Variants in PACRG observed in about 807,000 individuals in gnomAD.
PACRG encodes parkin coregulated.
Under a neutral mutation model 29.7 loss-of-function variants are expected in PACRG, and 29 were observed. The ratio of observed to expected loss-of-function variants is 0.98; its 90% CI spans 0.73 to 1.33. The LOEUF is 1.33. Ranked by LOEUF, PACRG falls within the 40% of genes most tolerant of loss-of-function variation. PACRG has a pLI of 0.00. For synonymous variants in PACRG, 116 were observed against 118.7 expected, an observed-to-expected ratio of 0.98 and a Z score of 0.15; for missense variants, 279 against 316.2, an observed-to-expected ratio of 0.88 and a Z score of 0.89.
At chr6:162,889,907 A>G (rs1342500230) in intron 2 of PACRG, among the ~76,000 whole-genome samples, 2 of 152,262 alleles carry the variant, frequency 1.3e-5, no homozygotes, top group African/African-American at 4.8e-5. Context: ...ATCTCCTGTA[A>G]GTTACTGCAT....
chr6:162,887,848 G>T (rs1456495879), intron 2 of PACRG, among the ~76,000 whole-genome samples: 9 of 152,148 alleles, frequency 5.9e-5, no homozygotes, highest in East Asian at 3.9e-4. Context: ...GTCTCTGAGG[G>T]TGGGTGAGGC....
intron 2 of PACRG, among the ~76,000 whole-genome samples, chr6:162,833,892 A>G (rs1489797574): frequency 6.6e-6 from 1 of 152,160 alleles, no homozygotes; most frequent in Non-Finnish European, 1.5e-5. Flanking sequence ...CATCATAACC[A>G]TTTGTAACTG....
intron 1 of PACRG, among the ~76,000 whole-genome samples, chr6:162,756,159 C>A (rs2128285057): frequency 6.6e-6 from 1 of 152,200 alleles, no homozygotes; most frequent in South Asian, 2.1e-4. Context: ...CTGTTAGATC[C>A]ATTTGTTTTA....
intron 4 of PACRG, among the ~76,000 whole-genome samples, chr6:163,188,434 T>C (rs1585314570): frequency 6.6e-6 from 1 of 152,228 alleles, no homozygotes; most frequent in East Asian, 1.9e-4. Context: ...TAACGTCATC[T>C]CTTAGAGGTG....
intron 4 of PACRG, among the ~76,000 whole-genome samples, chr6:163,223,116 G>C (rs769466422): frequency 1.3e-4 from 20 of 152,286 alleles, no homozygotes; most frequent in African/African-American, 4.8e-4. Flanking sequence ...AACATTGACC[G>C]GGCGCGATGG....
At chr6:163,126,213 T>G (rs1393458395) in intron 4 of PACRG, among the ~76,000 whole-genome samples, 2 of 152,226 alleles carry the variant, frequency 1.3e-5, no homozygotes, top group Non-Finnish European at 2.9e-5. Context: ...GACGCTTTCA[T>G]TTATAAGATA....
At chr6:162,787,488 G>GTA (rs1345567619) in intron 1 of PACRG, among the ~76,000 whole-genome samples, 2 of 142,860 alleles carry the variant, frequency 1.4e-5, no homozygotes, top group African/African-American at 5.2e-5. Context: ...TATGTATATG[G>GTA]TATATATATG....
intron 2 of PACRG, among the ~76,000 whole-genome samples, chr6:162,953,240 A>G (rs544067843): frequency 4.9e-4 from 74 of 152,294 alleles, no homozygotes; most frequent in Non-Finnish European, 5.9e-5. Flanking sequence ...GAGGAGTTCA[A>G]ACAGAAATAT....
Position 163,055,962 on chromosome 6 carries a change from C to T in PACRG, c.292-6188C>T, listed in dbSNP as rs62427574. On this transcript the variant is annotated intron_variant, in intron 2 of 4. Coordinates refer to ENST00000366888, the MANE Select transcript of PACRG (RefSeq NM_001080379.2). This position sits in a 1 kb window ranked among gnomAD's most constrained non-coding sequence, Gnocchi z 4.0. ...GTGGTCTTTTGTGACTGTCCTCCTT[C>T]GCTTAGGAAAATGTTTTCAAGGTTC... Among the ~76,000 whole-genome samples the T allele has an allele frequency of 0.011, 1,656 of 152,292 alleles. 39 individuals are homozygous for T. The highest frequency in any genetic ancestry group is 0.061 in the Admixed American group (929 of 15,296).
chr6:163,045,024 T>C (rs1225953814), intron 2 of PACRG, among the ~76,000 whole-genome samples: 1 of 152,180 alleles, frequency 6.6e-6, no homozygotes, highest in Admixed American at 6.5e-5. Flanking sequence ...GTAATTTTGG[T>C]GCCTGGAGTA....
intron 2 of PACRG, among the ~76,000 whole-genome samples, chr6:162,987,064 G>T (rs1802964298): frequency 6.6e-6 from 1 of 152,022 alleles, no homozygotes; most frequent in African/African-American, 2.4e-5. Flanking sequence ...TGAAGAGTTA[G>T]TCTGGCCTTT....
intron 4 of PACRG, among the ~76,000 whole-genome samples, chr6:163,158,092 A>G (rs7749602): frequency 0.074 from 11,325 of 152,220 alleles, 1,335 homozygotes; most frequent in African/African-American, 0.25. Flanking sequence ...AGGTGGTAGC[A>G]CTGAGAGAAT....
At chr6:163,119,849 T>C (rs1453007693) in intron 4 of PACRG, among the ~76,000 whole-genome samples, 1 of 152,198 alleles carries the variant, frequency 6.6e-6, no homozygotes, top group African/African-American at 2.4e-5. Context: ...GTTGTTGTTG[T>C]TGGTTTGTTT....
Position 163,011,192 on chromosome 6 carries a change from G to A in PACRG, c.292-50958G>A, listed in dbSNP as rs188468897. Among the ~76,000 whole-genome samples the A allele has an allele frequency of 1.3e-4, 20 of 152,256 alleles. No individual in the cohort carries two copies. In the East Asian group the frequency reaches 3.3e-3, roughly 25 times the overall value. ...GACCTTCCTCCTGCTGCAGTCATGCGACACTTAATGACTGGGATACCCTCT... is the reference window on the plus strand; with the variant it reads ...GACCTTCCTCCTGCTGCAGTCATGCAACACTTAATGACTGGGATACCCTCT... On this transcript the variant is annotated intron_variant, in intron 2 of 4. Coordinates refer to ENST00000366888, the MANE Select transcript of PACRG (RefSeq NM_001080379.2).
chr6:162,943,476 G>A (rs1018116682), intron 2 of PACRG, among the ~76,000 whole-genome samples: 6 of 152,102 alleles, frequency 3.9e-5, no homozygotes, highest in Non-Finnish European at 8.8e-5. Flanking sequence ...AGCTGCCTGC[G>A]TATGGCTGCT....
intron 2 of PACRG, among the ~76,000 whole-genome samples, chr6:162,916,860 G>A (rs184319004): frequency 1.3e-5 from 2 of 152,164 alleles, no homozygotes; most frequent in South Asian, 2.1e-4. Context: ...CCAGTGTCCT[G>A]TGCACAGATC....
intron 4 of PACRG, among the ~76,000 whole-genome samples, chr6:163,143,648 A>ACTT (rs200515255): frequency 8.1e-4 from 123 of 152,300 alleles, no homozygotes; most frequent in African/African-American, 2.8e-3. Flanking sequence ...TCACAATAAT[A>ACTT]CTTTTTTTGA....
intron 3 of PACRG, among the ~76,000 whole-genome samples, chr6:163,084,076 G>A (rs913752106): frequency 6.6e-6 from 1 of 151,982 alleles, no homozygotes; most frequent in African/African-American, 2.4e-5. Context: ...TATACCTAAA[G>A]CCAGTAAGCA....
chr6:163,046,148 C>G (rs9355420), intron 2 of PACRG, among the ~76,000 whole-genome samples: 44,110 of 149,954 alleles, frequency 0.29, 7,439 homozygotes, highest in East Asian at 0.67. Context: ...GCCACTGTAT[C>G]TTGACTATGC....
Sources: allele counts gnomAD v4.1 joint callset (sites outside exome capture counted in the v4.1 genomes callset), GRCh38; gene constraint gnomAD v4.1.1; non-coding constraint Gnocchi (gnomAD v3.1); transcripts MANE v1.5; gene names NCBI Gene and HGNC (gene_info 2026-07-23, HGNC 2026-07-21).